The following FNDC1 variants were observed in gnomAD, a reference collection of about 807,000 sequenced individuals.
FNDC1 encodes fibronectin type III domain containing 1.
In FNDC1, 96 loss-of-function variants were observed where a neutral mutation model predicts 168.0. The ratio of observed to expected loss-of-function variants is 0.57; its 90% CI spans 0.48 to 0.68. FNDC1 has a LOEUF of 0.68. Ranked by LOEUF, FNDC1 falls within the 30% of genes least tolerant of loss-of-function variation. The probability of loss-of-function intolerance (pLI) is 0.00; values close to 1 mark genes in which losing one functional copy is unlikely to be tolerated. For missense variants in FNDC1, 2,587 were observed against 2,482.1 expected (o/e 1.04, Z -0.90); for synonymous variants, 1,099 against 1,025.9 (o/e 1.07, Z -1.36).
Position 159,226,526 on chromosome 6 carries a change from A to T in FNDC1, c.1126A>T (p.Thr376Ser), listed in dbSNP as rs753171980. ...LNVWPVNGKP[T>S]VVAASWDALP... ...CGTCTGGCCAGTCAATGGCAAACCT[A>T]CAGTTGTCGCTGCATCTTGGGATGC... is the stretch of plus-strand genomic sequence containing the variant. Residue 376 changes from threonine to serine, a missense_variant, in exon 9 of 23, where the codon ACA becomes TCA. Physicochemically the swap from Thr to Ser is moderately conservative, Grantham distance 58. Coordinates refer to ENST00000297267, the MANE Select transcript of FNDC1 (RefSeq NM_032532.3). The T allele has an allele frequency of 1.2e-6, 2 of 1,612,070 alleles. No homozygotes were observed. Among genetic ancestry groups the T allele is most frequent in the Non-Finnish European group, 8.5e-7 (1 of 1,179,130 alleles).
chr6:159,232,837 G>A lies in FNDC1; in HGVS notation c.2325G>A (p.Thr775=). 6.2e-7 allele frequency: 1 copy of A among 1,613,878 alleles called. No individual in the cohort carries two copies. The highest frequency in any genetic ancestry group is 8.5e-7 in the Non-Finnish European group (1 of 1,179,902). Residue 775 remains threonine, a synonymous_variant, in exon 11 of 23, where the codon ACG becomes ACA. Coordinates refer to ENST00000297267, the MANE Select transcript of FNDC1 (RefSeq NM_032532.3). The surrounding 1 kb of genome is among the most constrained non-coding windows in gnomAD (Gnocchi z 4.9). ...SSVSSHLSSR[T]QVSEGAEASD... The stretch of plus-strand genomic sequence containing the variant: ...TCTCTTCTCATCTCTCGTCCAGGAC[G>A]CAGGTCTCTGAGGGAGCGGAGGCTT...
Position 159,229,918 on chromosome 6 carries a change from G to A in FNDC1, c.1284G>A (p.Gly428=), listed in dbSNP as rs371329212. ...CCCTGGTGGATGGTCTGCAGCCTGG[G>A]GAACGCTATCTTTTCAAAATCCGGG... ...TSALVDGLQP[G]ERYLFKIRAT... The change falls in exon 10 of 23, where the codon GGG becomes GGA. Residue 428 remains glycine, a synonymous_variant. Transcript: ENST00000297267. 1.6e-5 allele frequency: 26 copies of A among 1,613,788 alleles called. No homozygotes were observed. The highest frequency in any genetic ancestry group is 2.2e-5 in the Non-Finnish European group (26 of 1,179,850).
At chr6:159,259,390 T>C (rs1162246038) in intron 18 of FNDC1, among the ~76,000 whole-genome samples, 1 of 152,140 alleles carries the variant, frequency 6.6e-6, no homozygotes, top group African/African-American at 2.4e-5. Flanking sequence ...ACAGGGAAGG[T>C]GGATTTGGAG....
intron 1 of FNDC1, among the ~76,000 whole-genome samples, chr6:159,171,392 A>G (rs1781654808): frequency 6.6e-6 from 1 of 152,224 alleles, no homozygotes; most frequent in East Asian, 1.9e-4. Context: ...GGATGAAATT[A>G]TGGGGTACAT....
intron 12 of FNDC1, among the ~76,000 whole-genome samples, chr6:159,238,183 T>C (rs1386945719): frequency 5.3e-5 from 8 of 151,634 alleles, no homozygotes; most frequent in Non-Finnish European, 7.4e-5. Flanking sequence ...CTGCAGGCTC[T>C]GCCTCCTGGG....
Position 159,239,543 on chromosome 6 carries a change from C to T in FNDC1, c.4207C>T (p.Pro1403Ser). ...VDLEGTPVVS[P>S]DGLPLFGQGR... is the part of the protein sequence containing the mutation. ...TCTGGAAGGGACCCCCGTGGTGAGT[C>T]CTGACGGCCTCCCACTCTTTGGGCA... The change falls in exon 14 of 23, where the codon CCT (proline) becomes TCT (serine). Residue 1403 changes from proline (P) to serine (S), a missense_variant. Physicochemically the swap from Pro to Ser is moderately conservative, Grantham distance 74. Coordinates refer to ENST00000297267, the MANE Select transcript of FNDC1 (RefSeq NM_032532.3). 2 of 1,605,538 alleles carry T rather than the reference C, an allele frequency of 1.2e-6. No individual in the cohort carries two copies. Among genetic ancestry groups the T allele is most frequent in the South Asian group, 2.2e-5 (2 of 88,912 alleles).
At position 159,181,967 on chromosome 6, in the gene FNDC1, A is replaced by G. The variant is rs545195837; in HGVS notation, c.109+12262A>G. Among the ~76,000 whole-genome samples the G allele has an allele frequency of 2.6e-5, 4 of 151,872 alleles. No individual in the cohort carries two copies. In the South Asian group the frequency reaches 8.3e-4, roughly 32 times the overall value. ...AGTCTGTTTTTTAATACCACTTTCC[A>G]CTCCACCCATCAATTTCCTTCTACT... is the stretch of plus-strand genomic sequence containing the variant. On this transcript the variant is annotated intron_variant, in intron 1 of 22. Coordinates refer to ENST00000297267, the MANE Select transcript of FNDC1 (RefSeq NM_032532.3).
chr6:159,249,301 T>A, intron 16 of FNDC1, 119 bp downstream of exon 16: 1 of 963,958 alleles, frequency 1.0e-6, no homozygotes, highest in Admixed American at 2.9e-5. Context: ...TTTTCCAGAA[T>A]GAAGTTTCCA....
chr6:159,266,204 A>G lies in FNDC1; in HGVS notation c.5405A>G (p.Asn1802Ser). 6.2e-7 allele frequency: 1 copy of G among 1,614,012 alleles called. No individual in the cohort carries two copies. The highest frequency in any genetic ancestry group is 8.5e-7 in the Non-Finnish European group (1 of 1,179,892). Reference sequence around the variant, plus strand: ...AAGTTCGTGGGAGTTGTTCTTTGTAATTCACTGAGGTATAAAATCTACCTC... The same window carrying G: ...AAGTTCGTGGGAGTTGTTCTTTGTAGTTCACTGAGGTATAAAATCTACCTC... ...YRKFVGVVLC[N>S]SLRYKIYLSD... is the part of the protein sequence containing the mutation. Residue 1802 changes from asparagine (N) to serine (S), a missense_variant, in exon 21 of 23, where the codon AAT (asparagine) becomes AGT (serine). Transcript: ENST00000297267.
chr6:159,238,681 T>TTTATTC lies in FNDC1; in HGVS notation c.4180+18_4180+19insATTCTT. The TTTATTC allele has an allele frequency of 6.6e-7, 1 of 1,515,818 alleles. No homozygotes were observed. Among genetic ancestry groups the TTTATTC allele is most frequent in the Non-Finnish European group, 9.0e-7 (1 of 1,108,304 alleles). 93.9% of individuals were successfully genotyped at this position (1,515,818 alleles called of 1,614,324 possible). A position where few individuals can be genotyped will look rare whatever the true frequency, so the allele number is the denominator to read the frequency against. On this transcript the variant is annotated intron_variant, in intron 13 of 22. Coordinates refer to ENST00000297267, the MANE Select transcript of FNDC1 (RefSeq NM_032532.3). ...ACCATTGTAGGTAAGGGAGAATGGTTTTTAAAGAATAAAAGCCTACTGAAT... is the reference window on the plus strand; with the variant it reads ...ACCATTGTAGGTAAGGGAGAATGGTTTTATTCTTTAAAGAATAAAAGCCTACTGAAT...
intron 1 of FNDC1, among the ~76,000 whole-genome samples, chr6:159,180,420 C>G (rs1781855282): frequency 6.6e-6 from 1 of 152,160 alleles, no homozygotes; most frequent in Admixed American, 6.5e-5. Context: ...CAATTTAACT[C>G]ATAACGTGTG....
chr6:159,190,155 C>T (rs1357632179), intron 1 of FNDC1, among the ~76,000 whole-genome samples: 1 of 152,170 alleles, frequency 6.6e-6, no homozygotes, highest in Non-Finnish European at 1.5e-5. Context: ...TCATCCTCGC[C>T]CTGAGGGGCA....
chr6:159,231,902 C>A lies in FNDC1; in HGVS notation c.1390C>A (p.Gln464Lys). ...MPTTSKADVEQNTEDNGKPEK... is the reference protein window; with the variant it reads ...MPTTSKADVEKNTEDNGKPEK... ...TGCAGCCAGTAAGGCGGATGTTGAGCAGAACACGGAGGACAATGGGAAACC... is the reference window on the plus strand; with the variant it reads ...TGCAGCCAGTAAGGCGGATGTTGAGAAGAACACGGAGGACAATGGGAAACC... The change falls in exon 11 of 23, where the codon CAG becomes AAG. Residue 464 changes from glutamine (Q) to lysine (K), a missense_variant. Gln to Lys is a moderately conservative substitution (Grantham distance 53, BLOSUM62 1). Coordinates refer to ENST00000297267, the MANE Select transcript of FNDC1 (RefSeq NM_032532.3). 1.9e-6 allele frequency: 3 copies of A among 1,604,124 alleles called. No individual in the cohort carries two copies. The highest frequency in any genetic ancestry group is 2.5e-6 in the Non-Finnish European group (3 of 1,177,236).
intron 18 of FNDC1, among the ~76,000 whole-genome samples, chr6:159,258,339 T>A (rs951601524): frequency 6.6e-6 from 1 of 152,114 alleles, no homozygotes; most frequent in Non-Finnish European, 1.5e-5. Flanking sequence ...TGGGTGTACA[T>A]CTCCAAGTAC....
rs563330945 is a variant in FNDC1 at position 159,248,609 on chromosome 6, A to C, written c.4691-430A>C. On this transcript the variant is annotated intron_variant, in intron 15 of 22. Transcript: ENST00000297267. ...GTGAGCCACCACACCTGGCCAAAAA[A>C]AAATTTTTAAGAAAAAACTTCAAGT... Among the ~76,000 whole-genome samples the C allele has an allele frequency of 1.2e-4, 19 of 152,248 alleles. No individual in the cohort carries two copies. In the South Asian group the frequency reaches 2.5e-3, roughly 20 times the overall value.
intron 1 of FNDC1, among the ~76,000 whole-genome samples, chr6:159,171,160 C>G (rs1053552915): frequency 1.3e-5 from 2 of 152,136 alleles, no homozygotes. Context: ...TGCTTTTTCG[C>G]CTTCTGCTCT....
intron 4 of FNDC1, 68 bp downstream of exon 4, chr6:159,200,649 T>C (rs1210734904): frequency 3.9e-6 from 5 of 1,273,186 alleles, no homozygotes; most frequent in Non-Finnish European, 5.6e-6. Context: ...AGAGTTGTGC[T>C]TCCGTCACAC....
Position 159,200,060 on chromosome 6 carries a change from T to G in FNDC1, c.369T>G (p.Val123=). 1 of 1,601,316 alleles carries G rather than the reference T, an allele frequency of 6.2e-7. No homozygotes were observed. Among genetic ancestry groups the G allele is most frequent in the South Asian group, 1.1e-5 (1 of 88,200 alleles). The change falls in exon 3 of 23, where the codon GTT becomes GTG. Residue 123 remains valine, a synonymous_variant. Coordinates refer to ENST00000297267, the MANE Select transcript of FNDC1 (RefSeq NM_032532.3). ...AENHSGVSRP[V]YRAESPPGGE... ...ACCACAGTGGAGTGAGCCGTCCTGTTTACAGAGCTGAAAGCCCACCTGGTA... is the reference window on the plus strand; with the variant it reads ...ACCACAGTGGAGTGAGCCGTCCTGTGTACAGAGCTGAAAGCCCACCTGGTA...
intron 4 of FNDC1, among the ~76,000 whole-genome samples, chr6:159,214,610 G>A (rs1217293572): frequency 2.0e-5 from 3 of 152,210 alleles, no homozygotes; most frequent in Non-Finnish European, 4.4e-5. Context: ...GCTCTTTCCT[G>A]AGAATATATA....
Sources: allele counts gnomAD v4.1 joint callset (sites outside exome capture counted in the v4.1 genomes callset), GRCh38; gene constraint gnomAD v4.1.1; non-coding constraint Gnocchi (gnomAD v3.1); transcripts MANE v1.5; gene names NCBI Gene and HGNC (gene_info 2026-07-23, HGNC 2026-07-21).